CUL4B: variants seen among roughly 807,000 people sequenced by gnomAD.
CUL4B encodes the protein cullin 4B, also known as cullin-4B.
In CUL4B, 1 loss-of-function variant was observed where a neutral mutation model predicts 69.2. The observed-to-expected ratio is 0.01, with a 90% CI of 0.01 to 0.07. CUL4B has a LOEUF of 0.07. Among genes scored for constraint, CUL4B ranks in the 10% least tolerant of loss-of-function variants. CUL4B has a pLI of 1.00. For synonymous variants in CUL4B, 237 were observed against 223.2 expected (o/e 1.06, Z -0.55); for missense variants, 328 against 638.8 (o/e 0.51, Z 5.24).
chrX:120,543,988 G>A, intron 7 of CUL4B, 126 bp downstream of exon 7: 1 of 571,870 alleles, frequency 1.7e-6, no homozygotes, highest in Non-Finnish European at 3.0e-6. Context: ...GAAAAGAAAG[G>A]AGCACCTAAG....
In CUL4B at chrX:120,545,376, T is replaced by A. The variant is rs1924253175; in HGVS notation, c.920+68A>T. 3 of 745,139 alleles carry A rather than the reference T, an allele frequency of 4.0e-6. No individual in the cohort carries two copies. The South Asian group carries it at 6.8e-5, about 17-fold the overall frequency. 61.4% of individuals were successfully genotyped at this position (745,139 alleles called of 1,213,427 possible). A position where few individuals can be genotyped will look rare whatever the true frequency, so the allele number is the denominator to read the frequency against. The stretch of plus-strand genomic sequence containing the variant: ...ATATTCACAGTATAGCTTATACACT[T>A]TCATTAGTGTAATTAAGATTTGAGT... On this transcript the variant is annotated intron_variant, in intron 5 of 19. Transcript: ENST00000371322.
chrX:120,533,003 C>T lies in CUL4B; in HGVS notation c.2267-409G>A, dbSNP rs1026728081. On this transcript the variant is annotated intron_variant, in intron 17 of 19. Transcript: ENST00000371322. ...CAGTTGCACGTTTAAAGGGCAATTCCGCCTGGCTGTTTTACTATCAACTGT... is the reference window on the plus strand; with the variant it reads ...CAGTTGCACGTTTAAAGGGCAATTCTGCCTGGCTGTTTTACTATCAACTGT... Among the ~76,000 whole-genome samples, 3 of 112,283 alleles carry T rather than the reference C, an allele frequency of 2.7e-5. No individual in the cohort carries two copies. The Admixed American group carries it at 2.8e-4, about 11-fold the overall frequency.
chrX:120,527,946 T>A (rs985028133), intron 19 of CUL4B, among the ~76,000 whole-genome samples: 7 of 112,478 alleles, frequency 6.2e-5, no homozygotes, highest in Non-Finnish European at 1.3e-4. Context: ...CTTCGCGTGG[T>A]TAAATACAAA....
chrX:120,555,125 C>T (rs1395324813), intron 2 of CUL4B, among the ~76,000 whole-genome samples: 1 of 112,082 alleles, frequency 8.9e-6, no homozygotes, highest in Non-Finnish European at 1.9e-5. Flanking sequence ...TGAACAACAG[C>T]AGGTAAAACT....
At chrX:120,561,263 C>A (rs957048585), upstream of CUL4B, 38 of 519,920 alleles carry the variant, frequency 7.3e-5, no homozygotes, top group Non-Finnish European at 1.2e-4. Flanking sequence ...TGCTCCCGCT[C>A]CCCTTCGCGA....
Position 120,524,159 on chromosome X carries a change from A to C in CUL4B, c.*2602T>G, listed in dbSNP as rs1444401027. The stretch of plus-strand genomic sequence containing the variant: ...ATATTAAGACCATTCAAGCAGACTC[A>C]GGAACTGGGTTCAAAAACTTTGAGG... On this transcript the variant is annotated 3_prime_UTR_variant, in exon 20 of 20. Transcript: ENST00000371322. Among the ~76,000 whole-genome samples the C allele has an allele frequency of 6.3e-5, 7 of 111,594 alleles. No homozygotes were observed. Among genetic ancestry groups the C allele is most frequent in the Non-Finnish European group, 1.1e-4 (6 of 53,066 alleles).
At chrX:120,545,818 G>A (rs1444481740) in intron 4 of CUL4B, among the ~76,000 whole-genome samples, 1 of 97,462 alleles carries the variant, frequency 1.0e-5, no homozygotes, top group Non-Finnish European at 2.1e-5. Flanking sequence ...ACAGTGCTAG[G>A]GAATGAAGCT....
chrX:120,566,833 T>A (rs144667410), downstream of CUL4B, among the ~76,000 whole-genome samples: 78 of 111,578 alleles, frequency 7.0e-4, no homozygotes, highest in East Asian at 0.015. Context: ...GGAAAGCAGA[T>A]TTAAGGACTA....
intron 2 of CUL4B, among the ~76,000 whole-genome samples, chrX:120,550,551 A>G (rs1435633425): frequency 1.8e-5 from 2 of 111,744 alleles, no homozygotes; most frequent in Non-Finnish European, 3.8e-5. Context: ...CCCACAGGGA[A>G]ACAGATAAAA....
chrX:120,534,766 C>T (rs960180159), intron 16 of CUL4B, among the ~76,000 whole-genome samples, 180 bp from the exon 17 acceptor site: 8 of 111,070 alleles, frequency 7.2e-5, no homozygotes, highest in Admixed American at 6.7e-4. Context: ...TGTGACCCTA[C>T]CTAAAATAGG....
Position 120,538,700 on chromosome X carries a change from A to G in CUL4B, c.1812T>C (p.Ser604=), listed in dbSNP as rs941875129. ...ACAGCATTGATTTTTCAGCATCTAC[A>G]GATGCACTCTTTCCGACTAACAGGC... is the stretch of plus-strand genomic sequence containing the variant. The part of the protein sequence containing the change: ...AKRLLVGKSA[S]VDAEKSMLSK... The change falls in exon 13 of 20, where the codon TCT becomes TCC. Residue 604 remains serine (S), a synonymous_variant. Transcript: ENST00000371322. 9 of 1,204,973 alleles carry G rather than the reference A, an allele frequency of 7.5e-6. No homozygotes were observed. Among genetic ancestry groups the G allele is most frequent in the Non-Finnish European group, 1.0e-5 (9 of 890,781 alleles).
intron 10 of CUL4B, 50 bp from the exon 11 acceptor site, chrX:120,540,612 A>G (rs1197080976): frequency 2.3e-6 from 2 of 875,192 alleles, no homozygotes; most frequent in Non-Finnish European, 3.3e-6. Context: ...GTCTACAATG[A>G]AAACAATCCC....
intron 17 of CUL4B, 86 bp from the exon 18 acceptor site, chrX:120,532,680 C>G: frequency 1.2e-6 from 1 of 834,990 alleles, no homozygotes; most frequent in Non-Finnish European, 1.8e-6. Flanking sequence ...ACTCCATCCC[C>G]CTATTAAAAC....
downstream of CUL4B, among the ~76,000 whole-genome samples, chrX:120,569,277 C>T (rs1925643357): frequency 8.9e-6 from 1 of 111,816 alleles, no homozygotes; most frequent in Non-Finnish European, 1.9e-5. Flanking sequence ...ACAACCCTTG[C>T]CCTCCATTCT....
chrX:120,555,750 C>T (rs904771351), intron 2 of CUL4B, among the ~76,000 whole-genome samples: 5 of 108,800 alleles, frequency 4.6e-5, no homozygotes, highest in Admixed American at 2.0e-4. Flanking sequence ...GAGATCAGCC[C>T]GGCCAACATG....
At chrX:120,552,912 CA>C (rs749133630) in intron 2 of CUL4B, among the ~76,000 whole-genome samples, 1 of 111,641 alleles carries the variant, frequency 9.0e-6, no homozygotes, top group African/African-American at 3.2e-5. Flanking sequence ...CTTTTTATGT[CA>C]AGTAAATATG....
At chrX:120,546,400 T>A (rs1793423511) in intron 4 of CUL4B, 147 bp downstream of exon 4, 1 of 433,089 alleles carries the variant, frequency 2.3e-6, no homozygotes, top group African/African-American at 2.6e-5. Flanking sequence ...AATAAATTTT[T>A]AAAAAAAGAA....
At chrX:120,546,417 A>C (rs959304858) in intron 4 of CUL4B, 130 bp downstream of exon 4, 17 of 448,431 alleles carry the variant, frequency 3.8e-5, no homozygotes, top group Non-Finnish European at 5.6e-5. Context: ...AGAAAAAAAA[A>C]GAAAAGGAAT....
At chrX:120,540,349 A>G (rs745995079) in intron 11 of CUL4B, 21 bp downstream of exon 11, 1 of 1,185,693 alleles carries the variant, frequency 8.4e-7, no homozygotes, top group Non-Finnish European at 1.1e-6. Flanking sequence ...AAACAACTGG[A>G]AAAAGGACTG....
Sources: allele counts gnomAD v4.1 joint callset (sites outside exome capture counted in the v4.1 genomes callset), GRCh38; gene constraint gnomAD v4.1.1; transcripts MANE v1.5; gene names NCBI Gene and HGNC (gene_info 2026-07-23, HGNC 2026-07-21).